ZNF141: variants seen among roughly 807,000 people sequenced by gnomAD.
The protein encoded by ZNF141 is zinc finger protein 141.
Under a neutral mutation model 11.3 loss-of-function variants are expected in ZNF141, and 7 were observed. The observed-to-expected ratio is 0.62, with a 90% CI of 0.35 to 1.16. The LOEUF is 1.16. Among genes scored for constraint, ZNF141 ranks in the 50% most tolerant of loss-of-function variants. ZNF141 has a pLI of 0.02. For missense variants in ZNF141, 535 were observed against 554.0 expected (o/e 0.97, Z 0.34); for synonymous variants, 183 against 190.7 (o/e 0.96, Z 0.33).
At chr4:371,369 C>T (rs1338226682) in intron 3 of ZNF141, among the ~76,000 whole-genome samples, 3 of 150,850 alleles carry the variant, frequency 2.0e-5, no homozygotes, top group African/African-American at 7.3e-5. Context: ...GTAGCTGGGA[C>T]TACAGGCATG....
chr4:339,663 C>G (rs1229649774), intron 1 of ZNF141, among the ~76,000 whole-genome samples: 4 of 152,316 alleles, frequency 2.6e-5, no homozygotes, highest in African/African-American at 9.6e-5. Flanking sequence ...ATTTTCTCTG[C>G]TTCTTTGAAA....
intron 1 of ZNF141, among the ~76,000 whole-genome samples, chr4:340,034 C>G (rs1160054313): frequency 2.6e-5 from 4 of 152,196 alleles, no homozygotes; most frequent in Non-Finnish European, 5.9e-5. Context: ...TTGGCAGTCT[C>G]TTAGTAGACT....
In ZNF141 at chr4:383,222, C is replaced by T; in HGVS notation, c.*9360C>T. 1.4e-6 allele frequency: 1 copy of T among 691,034 alleles called. No individual in the cohort carries two copies. Among genetic ancestry groups the T allele is most frequent in the Non-Finnish European group, 2.6e-6 (1 of 380,702 alleles). The allele number at this position is 691,034 out of a possible 1,614,324, so 42.8% of individuals were successfully genotyped here. On this transcript the variant is annotated 3_prime_UTR_variant, in exon 4 of 4. Transcript: ENST00000240499. ...GCAGAGCCACCTAATTCACCAGCAT[C>T]TAACCACTCACACCTGAAGGAGCCA...
chr4:356,004 G>A (rs1325620381), intron 3 of ZNF141, among the ~76,000 whole-genome samples: 7 of 152,044 alleles, frequency 4.6e-5, no homozygotes, highest in African/African-American at 7.2e-5. Flanking sequence ...AGGCTGAGGC[G>A]GGTGGATCAC....
In ZNF141 at chr4:375,193, G is replaced by T. The variant is rs1463480018; in HGVS notation, c.*1331G>T. The T allele has an allele frequency of 1.3e-5, 2 of 152,044 alleles. No homozygotes were observed. The highest frequency in any genetic ancestry group is 3.8e-4 in the East Asian group (2 of 5,204). 9.4% of individuals were successfully genotyped at this position (152,044 alleles called of 1,614,324 possible). The stretch of plus-strand genomic sequence containing the variant: ...TAAAAACATTATAAATGTAATTTCT[G>T]TTGAAAGACTTCAGAAAATATAGGC... On this transcript the variant is annotated 3_prime_UTR_variant, in exon 4 of 4. Coordinates refer to ENST00000240499, the MANE Select transcript of ZNF141 (RefSeq NM_003441.4).
intron 3 of ZNF141, among the ~76,000 whole-genome samples, chr4:362,131 A>T (rs1378607436): frequency 6.6e-6 from 1 of 152,202 alleles, no homozygotes; most frequent in African/African-American, 2.4e-5. Context: ...ATGGCCAGTG[A>T]TGATGAGCAT....
At chr4:349,485 C>A (rs547653246) in intron 3 of ZNF141, among the ~76,000 whole-genome samples, 5 of 152,320 alleles carry the variant, frequency 3.3e-5, no homozygotes, top group Admixed American at 2.0e-4. Flanking sequence ...ATACAAACTT[C>A]CAGTCACATG....
chr4:381,015 TCAC>T lies in ZNF141; in HGVS notation c.*7158_*7160del, dbSNP rs1432993318. ...GAACAGCTTTCCTTTCAACTGTCCT[TCAC>T]CACCCCTTTAGCAATTCAGAATATT... On this transcript the variant is annotated 3_prime_UTR_variant, in exon 4 of 4. Transcript: ENST00000240499. Among the ~76,000 whole-genome samples the T allele has an allele frequency of 1.3e-5, 2 of 152,192 alleles. No homozygotes were observed. Among genetic ancestry groups the T allele is most frequent in the Non-Finnish European group, 2.9e-5 (2 of 68,036 alleles).
Position 383,143 on chromosome 4 carries a change from T to A in ZNF141, c.*9281T>A. On this transcript the variant is annotated 3_prime_UTR_variant, in exon 4 of 4. Transcript: ENST00000240499. ...AAGCCCATTTTAGCTTTCTGGAGAA[T>A]AGCATCTGAGAAAAGCCAAAGTGCC... The A allele has an allele frequency of 1.4e-6, 1 of 701,726 alleles. No individual in the cohort carries two copies. The allele number at this position is 701,726 out of a possible 1,614,324, so 43.5% of individuals were successfully genotyped here. A position where few individuals can be genotyped will look rare whatever the true frequency, so the allele number is the denominator to read the frequency against.
At chr4:355,861 T>C (rs1249591785) in intron 3 of ZNF141, among the ~76,000 whole-genome samples, 1 of 152,172 alleles carries the variant, frequency 6.6e-6, no homozygotes, top group African/African-American at 2.4e-5. Flanking sequence ...GACCAAAGTC[T>C]TGAGGATGAT....
At chr4:339,079 T>A (rs781838934) in intron 1 of ZNF141, among the ~76,000 whole-genome samples, 24 of 152,252 alleles carry the variant, frequency 1.6e-4, no homozygotes, top group Admixed American at 2.6e-4. Context: ...AACCCACTCC[T>A]GAGCCCGCCC....
chr4:364,563 C>T (rs1553852685), intron 3 of ZNF141, among the ~76,000 whole-genome samples: 1 of 152,082 alleles, frequency 6.6e-6, no homozygotes, highest in East Asian at 1.9e-4. Flanking sequence ...CTTGTTGCAT[C>T]TATTTGATTC....
Position 376,035 on chromosome 4 carries a change from A to C in ZNF141, c.*2173A>C, listed in dbSNP as rs1712348637. Among the ~76,000 whole-genome samples the C allele has an allele frequency of 6.6e-6, 1 of 152,186 alleles. No individual in the cohort carries two copies. The highest frequency in any genetic ancestry group is 1.5e-5 in the Non-Finnish European group (1 of 67,898). On this transcript the variant is annotated 3_prime_UTR_variant, in exon 4 of 4. Transcript: ENST00000240499. Reference sequence around the variant, plus strand: ...TTACCAATTATACATTTATGTAATAAGATACAGTAAATTTTAAAATTATTT... The same window carrying C: ...TTACCAATTATACATTTATGTAATACGATACAGTAAATTTTAAAATTATTT...
chr4:372,657 C>A lies in ZNF141; in HGVS notation c.227-7C>A. The A allele has an allele frequency of 6.7e-7, 1 of 1,485,584 alleles. No homozygotes were observed. Among genetic ancestry groups the A allele is most frequent in the Non-Finnish European group, 9.0e-7 (1 of 1,114,698 alleles). 92.0% of individuals were successfully genotyped at this position (1,485,584 alleles called of 1,614,324 possible). On this transcript the variant is annotated splice_polypyrimidine_tract_variant and splice_region_variant and intron_variant, in intron 3 of 3. Transcript: ENST00000240499. Reference sequence around the variant, plus strand: ...GTGGGATAATTTGTAATTTTTATTTCTTTCAGCTATGTGTTCTCATTTCAC... The same window carrying A: ...GTGGGATAATTTGTAATTTTTATTTATTTCAGCTATGTGTTCTCATTTCAC...
At chr4:350,330 A>G (rs1388401668) in intron 3 of ZNF141, 7 of 431,014 alleles carry the variant, frequency 1.6e-5, no homozygotes, top group Non-Finnish European at 2.4e-5. Flanking sequence ...TCTGCTTTCT[A>G]TGTGCTTACT....
At chr4:346,082 T>C (rs1489769863) in intron 3 of ZNF141, among the ~76,000 whole-genome samples, 1 of 152,252 alleles carries the variant, frequency 6.6e-6, no homozygotes, top group Non-Finnish European at 1.5e-5. Flanking sequence ...ATATAACTTA[T>C]TTAAGTGTGT....
Position 375,733 on chromosome 4 carries a change from C to G in ZNF141, c.*1871C>G, listed in dbSNP as rs1262528324. Among the ~76,000 whole-genome samples the G allele has an allele frequency of 2.0e-5, 3 of 152,022 alleles. No homozygotes were observed. The highest frequency in any genetic ancestry group is 4.4e-5 in the Non-Finnish European group (3 of 67,928). ...AAAGCATATAATAGTTAATTCAACT[C>G]AAATTATTTCATACTGTTTCAACAT... On this transcript the variant is annotated 3_prime_UTR_variant, in exon 4 of 4. Transcript: ENST00000240499.
At position 383,057 on chromosome 4, in the gene ZNF141, G is replaced by T. The variant is rs1323652438; in HGVS notation, c.*9195G>T. 1.5e-6 allele frequency: 1 copy of T among 652,624 alleles called. No individual in the cohort carries two copies. Among genetic ancestry groups the T allele is most frequent in the Non-Finnish European group, 2.7e-6 (1 of 363,924 alleles). The allele number at this position is 652,624 out of a possible 1,614,324, so 40.4% of individuals were successfully genotyped here. On this transcript the variant is annotated 3_prime_UTR_variant, in exon 4 of 4. Transcript: ENST00000240499. Reference sequence around the variant, plus strand: ...GCACAGGGTGCCAGTTTGGGGCCCAGGTTTAAAGGTCCTAAATGCTTCTGT... The same window carrying T: ...GCACAGGGTGCCAGTTTGGGGCCCATGTTTAAAGGTCCTAAATGCTTCTGT...
At chr4:361,552 G>A (rs906493469) in intron 3 of ZNF141, among the ~76,000 whole-genome samples, 12 of 151,782 alleles carry the variant, frequency 7.9e-5, no homozygotes, top group Admixed American at 3.9e-4. Flanking sequence ...GACAGGCCCC[G>A]GTGTGTGACG....
Sources: gnomAD v4.1 joint callset for allele counts (sites outside exome capture counted in the v4.1 genomes callset) on GRCh38, gnomAD v4.1.1 for gene constraint, MANE v1.5 for transcripts, NCBI Gene and HGNC (gene_info 2026-07-23, HGNC 2026-07-21) for gene names.